CEP112: variants seen among roughly 807,000 people sequenced by gnomAD.
CEP112 encodes centrosomal protein of 112 kDa.
Under a neutral mutation model 153.0 loss-of-function variants are expected in CEP112, and 127 were observed. That is an observed-to-expected ratio of 0.83 (90% CI 0.72 to 0.96). The LOEUF (loss-of-function observed/expected upper bound fraction) is 0.96. Ranked by LOEUF, CEP112 falls within the 40% of genes least tolerant of loss-of-function variation. CEP112 has a pLI of 0.00. For missense variants in CEP112, 1,089 were observed against 1,101.2 expected (o/e 0.99, Z 0.16); for synonymous variants, 358 against 374.4 (o/e 0.96, Z 0.51).
intron 21 of CEP112, among the ~76,000 whole-genome samples, chr17:65,794,552 G>A (rs771695753): frequency 2.6e-5 from 4 of 152,304 alleles, no homozygotes; most frequent in South Asian, 4.1e-4. Context: ...TCCCCCTGGC[G>A]AAACTCTCAA....
intron 17 of CEP112, among the ~76,000 whole-genome samples, chr17:65,984,134 C>T (rs1193234273): frequency 6.6e-6 from 1 of 151,698 alleles, no homozygotes; most frequent in Non-Finnish European, 1.5e-5. Context: ...TTAACCATAA[C>T]TTATTTAAAA....
intron 19 of CEP112, among the ~76,000 whole-genome samples, chr17:65,915,062 A>G (rs2060425642): frequency 6.6e-6 from 1 of 152,024 alleles, no homozygotes; most frequent in African/African-American, 2.4e-5. Flanking sequence ...GGGAAATCCC[A>G]CCTTCTTAGA....
chr17:66,028,243 T>C, intron 15 of CEP112, 70 bp downstream of exon 15: 1 of 892,270 alleles, frequency 1.1e-6, no homozygotes, highest in Non-Finnish European at 1.8e-6. Flanking sequence ...TAATTGACTC[T>C]CAATGATACA....
At chr17:65,637,286 C>A in intron 25 of CEP112, 98 bp from the exon 26 acceptor site, 1 of 836,060 alleles carries the variant, frequency 1.2e-6, no homozygotes, top group East Asian at 2.5e-5. Flanking sequence ...CAGACAATTC[C>A]CTAGATAAAA....
chr17:66,135,252 T>C (rs2070383989), intron 4 of CEP112, among the ~76,000 whole-genome samples: 1 of 152,182 alleles, frequency 6.6e-6, no homozygotes. Flanking sequence ...GGTATCATTG[T>C]TAAAATCTGG....
chr17:65,979,603 A>G (rs2063157606), intron 17 of CEP112, among the ~76,000 whole-genome samples: 1 of 152,156 alleles, frequency 6.6e-6, no homozygotes, highest in South Asian at 2.1e-4. Flanking sequence ...TTATATCAAT[A>G]CAAAACTGAA....
At chr17:65,819,335 T>A (rs930816631) in intron 21 of CEP112, among the ~76,000 whole-genome samples, 1 of 151,814 alleles carries the variant, frequency 6.6e-6, no homozygotes, top group African/African-American at 2.4e-5. Context: ...CTCCTAATGA[T>A]ATGAAACAAT....
At chr17:65,994,978 C>T (rs558456720) in intron 17 of CEP112, among the ~76,000 whole-genome samples, 5 of 152,236 alleles carry the variant, frequency 3.3e-5, no homozygotes, top group South Asian at 4.1e-4. Context: ...TGTGCCCCTT[C>T]GGCACACTCA....
chr17:65,849,880 G>A (rs1054311073), intron 21 of CEP112, among the ~76,000 whole-genome samples: 5 of 152,070 alleles, frequency 3.3e-5, no homozygotes, highest in Admixed American at 6.5e-5. Flanking sequence ...CTGGCCTGGC[G>A]CGGTGGCTTA....
At chr17:65,871,234 G>A (rs529598530) in intron 20 of CEP112, among the ~76,000 whole-genome samples, 94 of 152,240 alleles carry the variant, frequency 6.2e-4, no homozygotes, top group African/African-American at 2.0e-3. Context: ...TGGCTGCCTC[G>A]GTCAGAATCA....
chr17:65,920,989 C>T (rs1177443572), intron 19 of CEP112, among the ~76,000 whole-genome samples: 1 of 151,990 alleles, frequency 6.6e-6, no homozygotes, highest in Non-Finnish European at 1.5e-5. Flanking sequence ...TTAACTATTC[C>T]TCAGAACTCT....
intron 20 of CEP112, chr17:65,873,362 T>C (rs1568149417): frequency 1.3e-5 from 2 of 152,242 alleles, no homozygotes; most frequent in Non-Finnish European, 2.9e-5. Context: ...TGTTCTTTTA[T>C]CTCTTGCTTT....
intron 17 of CEP112, among the ~76,000 whole-genome samples, chr17:65,970,196 C>T (rs1255032491): frequency 8.2e-6 from 1 of 121,490 alleles, no homozygotes; most frequent in Non-Finnish European, 1.8e-5. Context: ...TGCATATATG[C>T]TGCATGCATG....
At chr17:65,717,488 C>T (rs1210195124) in intron 23 of CEP112, among the ~76,000 whole-genome samples, 2 of 152,194 alleles carry the variant, frequency 1.3e-5, no homozygotes, top group Admixed American at 1.3e-4. Flanking sequence ...ATCCTTAATA[C>T]TTATCTTTTC....
chr17:65,841,205 T>C (rs1266664917), intron 21 of CEP112, among the ~76,000 whole-genome samples: 2 of 152,036 alleles, frequency 1.3e-5, no homozygotes. Flanking sequence ...ACTCCCATGT[T>C]TATTGGAGCA....
At chr17:65,811,345 G>A (rs1468847396) in intron 21 of CEP112, among the ~76,000 whole-genome samples, 1 of 152,154 alleles carries the variant, frequency 6.6e-6, no homozygotes, top group African/African-American at 2.4e-5. Context: ...GGAAAATGAT[G>A]TTAATCGATT....
rs548333652 is a variant in CEP112, at chr17:66,011,805, T to C, written c.1657-6036A>G. Among the ~76,000 whole-genome samples the C allele has an allele frequency of 9.8e-5, 15 of 152,308 alleles. No individual in the cohort carries two copies. In the East Asian group the frequency reaches 2.9e-3, roughly 29 times the overall value. On this transcript the variant is annotated intron_variant, in intron 16 of 26. Coordinates refer to ENST00000535342, the MANE Select transcript of CEP112 (RefSeq NM_001199165.4). The stretch of plus-strand genomic sequence containing the variant: ...CCTTGATGATCTGACATTTGACTAA[T>C]ACTGTCAGTGGGGTATTGAAGTCTC...
intron 21 of CEP112, chr17:65,826,346 CA>C: frequency 1.9e-6 from 3 of 1,611,532 alleles, no homozygotes; most frequent in Non-Finnish European, 2.5e-6. Flanking sequence ...TGAGAGCCCT[CA>C]GTGCAGGCTG....
chr17:65,741,359 T>C (rs1231171744), intron 23 of CEP112, among the ~76,000 whole-genome samples: 2 of 152,088 alleles, frequency 1.3e-5, no homozygotes, highest in African/African-American at 2.4e-5. Context: ...AAAAGAAATG[T>C]CATTTACTTT....
Sources: allele counts gnomAD v4.1 joint callset (sites outside exome capture counted in the v4.1 genomes callset), GRCh38; gene constraint gnomAD v4.1.1; transcripts MANE v1.5; gene names NCBI Gene and HGNC (gene_info 2026-07-23, HGNC 2026-07-21).